Variants in TTC27 observed in about 807,000 individuals in gnomAD.
TTC27 encodes the protein tetratricopeptide repeat domain 27, also known as tetratricopeptide repeat protein 27.
A neutral mutation model predicts 115.9 loss-of-function variants in TTC27; 79 were observed. The ratio of observed to expected loss-of-function variants is 0.68; its 90% CI spans 0.57 to 0.82. The LOEUF (loss-of-function observed/expected upper bound fraction) is 0.82. TTC27 is among the 40% of genes least tolerant of loss of function. The probability of loss-of-function intolerance (pLI) is 0.00; values close to 1 mark genes in which losing one functional copy is unlikely to be tolerated. For synonymous variants in TTC27, 401 were observed against 356.0 expected (o/e 1.13, Z -1.42); for missense variants, 1,054 against 993.1 (o/e 1.06, Z -0.82).
At chr2:32,732,567 G>C (rs1668325239) in intron 10 of TTC27, among the ~76,000 whole-genome samples, 1 of 151,808 alleles carries the variant, frequency 6.6e-6, no homozygotes, top group Admixed American at 6.6e-5. Context: ...TTTTTCTCCT[G>C]AGGCTTGGAC....
intron 10 of TTC27, among the ~76,000 whole-genome samples, chr2:32,718,645 T>C (rs1572545382): frequency 6.6e-6 from 1 of 152,296 alleles, no homozygotes; most frequent in East Asian, 1.9e-4. Flanking sequence ...CAAAGCTGAT[T>C]GTGTTGATAG....
intron 12 of TTC27, among the ~76,000 whole-genome samples, chr2:32,741,914 T>A (rs138200252): frequency 6.6e-6 from 1 of 152,234 alleles, no homozygotes; most frequent in Non-Finnish European, 1.5e-5. Flanking sequence ...CCACTCCCAT[T>A]TGAACCTTCT....
intron 10 of TTC27, among the ~76,000 whole-genome samples, chr2:32,715,310 C>T (rs1017392663): frequency 3.2e-4 from 48 of 152,250 alleles, no homozygotes; most frequent in Middle Eastern, 3.4e-3. Flanking sequence ...GTTATCCCAG[C>T]ACCATTTGTT....
chr2:32,685,143 C>T (rs1666588041), intron 9 of TTC27, among the ~76,000 whole-genome samples: 1 of 151,636 alleles, frequency 6.6e-6, no homozygotes, highest in African/African-American at 2.4e-5. Flanking sequence ...GATTCTCCTG[C>T]CTCAGCCTCC....
At chr2:32,763,305 A>T (rs1317381866) in intron 13 of TTC27, among the ~76,000 whole-genome samples, 1 of 152,232 alleles carries the variant, frequency 6.6e-6, no homozygotes, top group Non-Finnish European at 1.5e-5. Context: ...CTGGAGGGAG[A>T]ACGCCTATAT....
intron 12 of TTC27, among the ~76,000 whole-genome samples, chr2:32,744,154 T>C (rs1668738919): frequency 6.6e-6 from 1 of 152,218 alleles, no homozygotes; most frequent in East Asian, 1.9e-4. Flanking sequence ...AGATTCCAAA[T>C]TCTATGTGGC....
At chr2:32,789,308 G>A (rs1386219941) in intron 16 of TTC27, among the ~76,000 whole-genome samples, 3 of 152,138 alleles carry the variant, frequency 2.0e-5, no homozygotes, top group Non-Finnish European at 4.4e-5. Flanking sequence ...ATTGAAGAAT[G>A]TTACTTAAAT....
At chr2:32,792,524 C>G (rs1379250341) in intron 16 of TTC27, among the ~76,000 whole-genome samples, 2 of 151,916 alleles carry the variant, frequency 1.3e-5, no homozygotes, top group African/African-American at 4.8e-5. Context: ...CTGAAAAAGA[C>G]AATGCTAAAC....
Position 32,787,358 on chromosome 2 carries a change from A to G in TTC27, c.1998+209A>G, listed in dbSNP as rs1479710301. Among the ~76,000 whole-genome samples the G allele has an allele frequency of 2.6e-5, 4 of 152,332 alleles. No homozygotes were observed. In the East Asian group the frequency reaches 5.8e-4, roughly 22 times the overall value. On this transcript the variant is annotated intron_variant, in intron 16 of 19. Coordinates refer to ENST00000317907, the MANE Select transcript of TTC27 (RefSeq NM_017735.5). ...AATTTGTTTGTACAGTCATAAACTG[A>G]ATATTACTCTGACTCAGTTATGAAA...
At chr2:32,808,099 A>AT (rs930733202) in intron 16 of TTC27, among the ~76,000 whole-genome samples, 1 of 151,490 alleles carries the variant, frequency 6.6e-6, no homozygotes, top group Non-Finnish European at 1.5e-5. Flanking sequence ...CACCCTGCTA[A>AT]TTTTTTTGTA....
intron 9 of TTC27, among the ~76,000 whole-genome samples, chr2:32,681,695 T>G (rs1374787156): frequency 6.6e-6 from 1 of 151,796 alleles, no homozygotes; most frequent in African/African-American, 2.4e-5. Flanking sequence ...AGATGATGTT[T>G]CCCAACTGTA....
chr2:32,789,530 T>A (rs1431384661), intron 16 of TTC27, among the ~76,000 whole-genome samples: 1 of 152,034 alleles, frequency 6.6e-6, no homozygotes, highest in Non-Finnish European at 1.5e-5. Context: ...ATAACCTGAG[T>A]ATGTAGATAG....
chr2:32,795,423 C>G (rs1215392694), intron 16 of TTC27, among the ~76,000 whole-genome samples: 1 of 151,790 alleles, frequency 6.6e-6, no homozygotes, highest in Non-Finnish European at 1.5e-5. Flanking sequence ...TTAAAAAGCA[C>G]TGAACAAAGT....
At chr2:32,644,131 A>T (rs542006820) in intron 4 of TTC27, among the ~76,000 whole-genome samples, 1 of 147,852 alleles carries the variant, frequency 6.8e-6, no homozygotes, top group Non-Finnish European at 1.5e-5. Context: ...CAGTGAATCG[A>T]GATCGTTCCA....
chr2:32,689,166 A>G (rs1281447901), intron 9 of TTC27, among the ~76,000 whole-genome samples: 1 of 152,152 alleles, frequency 6.6e-6, no homozygotes, highest in African/African-American at 2.4e-5. Context: ...AATGACAGAA[A>G]GTAGATCACA....
At chr2:32,820,594 CT>C (rs1297785640) in intron 19 of TTC27, among the ~76,000 whole-genome samples, 1 of 152,158 alleles carries the variant, frequency 6.6e-6, no homozygotes, top group Non-Finnish European at 1.5e-5. Context: ...AAGAGCAGAG[CT>C]CATTTGAATT....
chr2:32,758,517 C>T lies in TTC27; in HGVS notation c.1678C>T (p.Gln560Ter). Residue 560 changes from glutamine (Q) to a stop codon, truncating the protein, a stop_gained and splice_region_variant, in exon 13 of 20, where the codon CAG becomes TAG. Coordinates refer to ENST00000317907, the MANE Select transcript of TTC27 (RefSeq NM_017735.5). LOFTEE classifies it high-confidence loss of function. ...FERSVKINPM[Q>*]LGVWFSLGCA... ...ACGCTCGGTTAAGATTAATCCCATG[C>T]AGGTTAGACAACTCATAACCCCCTG... 6.2e-7 allele frequency: 1 copy of T among 1,613,844 alleles called. No homozygotes were observed. Among genetic ancestry groups the T allele is most frequent in the Non-Finnish European group, 8.5e-7 (1 of 1,179,758 alleles).
chr2:32,807,165 A>T (rs1572631645), intron 16 of TTC27, among the ~76,000 whole-genome samples: 2 of 151,850 alleles, frequency 1.3e-5, no homozygotes, highest in African/African-American at 4.8e-5. Context: ...GTGTGTCATC[A>T]TTTTTTTCTT....
intron 12 of TTC27, among the ~76,000 whole-genome samples, chr2:32,744,159 T>C (rs1219412948): frequency 6.6e-6 from 1 of 152,244 alleles, no homozygotes; most frequent in Non-Finnish European, 1.5e-5. Context: ...CCAAATTCTA[T>C]GTGGCTCTCA....
Sources: gnomAD v4.1 joint callset for allele counts (sites outside exome capture counted in the v4.1 genomes callset) on GRCh38, gnomAD v4.1.1 for gene constraint, MANE v1.5 for transcripts, NCBI Gene and HGNC (gene_info 2026-07-23, HGNC 2026-07-21) for gene names.